Variants in ADCY2 observed in about 807,000 individuals in gnomAD.
The protein encoded by ADCY2 is adenylate cyclase 2, also known as adenylate cyclase type 2.
Under a neutral mutation model 125.2 loss-of-function variants are expected in ADCY2, and 31 were observed. The observed-to-expected ratio is 0.25, with a 90% confidence interval of 0.19 to 0.33. ADCY2 has a LOEUF of 0.33. ADCY2 is among the 10% of genes least tolerant of loss of function. The pLI, the probability that ADCY2 is intolerant of heterozygous loss-of-function variation, is 1.00. For synonymous variants in ADCY2, 512 were observed against 548.4 expected, an observed-to-expected ratio of 0.93 and a Z score of 0.93; for missense variants, 904 against 1,418.2, an observed-to-expected ratio of 0.64 and a Z score of 5.82.
At chr5:7,788,736 T>C (rs111364534) in intron 19 of ADCY2, among the ~76,000 whole-genome samples, 8 of 152,336 alleles carry the variant, frequency 5.3e-5, no homozygotes, top group African/African-American at 1.9e-4. Flanking sequence ...TGTACTGTCA[T>C]TGGTAGAATT....
At chr5:7,516,105 C>T (rs1744244457) in intron 2 of ADCY2, among the ~76,000 whole-genome samples, 1 of 148,762 alleles carries the variant, frequency 6.7e-6, no homozygotes, top group Admixed American at 6.7e-5. Context: ...AGCATTACTG[C>T]AGCAGCATTA....
At chr5:7,613,988 G>A (rs1366177853) in intron 3 of ADCY2, among the ~76,000 whole-genome samples, 1 of 152,190 alleles carries the variant, frequency 6.6e-6, no homozygotes, top group Non-Finnish European at 1.5e-5. Flanking sequence ...AACTCAAGGA[G>A]GTAACCCAGA....
chr5:7,629,559 C>G (rs1738248303), intron 4 of ADCY2, among the ~76,000 whole-genome samples: 1 of 152,042 alleles, frequency 6.6e-6, no homozygotes, highest in Admixed American at 6.5e-5. Context: ...GTGTTCTTGC[C>G]CTAAAAATGT....
intron 3 of ADCY2, among the ~76,000 whole-genome samples, chr5:7,571,780 C>T (rs67562215): frequency 0.26 from 39,212 of 152,022 alleles, 5,506 homozygotes; most frequent in East Asian, 0.43. Flanking sequence ...CTGATCCTCT[C>T]CCTCCTCCCA....
At chr5:7,417,207 A>G (rs1739986191) in intron 2 of ADCY2, among the ~76,000 whole-genome samples, 1 of 152,096 alleles carries the variant, frequency 6.6e-6, no homozygotes, top group South Asian at 2.1e-4. Flanking sequence ...AAAATCAATA[A>G]TAATTTTCGT....
intron 14 of ADCY2, among the ~76,000 whole-genome samples, chr5:7,736,395 CAT>C (rs1742254444): frequency 6.6e-6 from 1 of 152,110 alleles, no homozygotes; most frequent in South Asian, 2.1e-4. Flanking sequence ...TGTGTCACAA[CAT>C]ACTCTTAAGA....
chr5:7,557,324 C>T (rs971971853), intron 3 of ADCY2, among the ~76,000 whole-genome samples: 12 of 151,954 alleles, frequency 7.9e-5, no homozygotes, highest in Admixed American at 5.2e-4. Flanking sequence ...GGACTGGTAA[C>T]ATGTTAAAGT....
chr5:7,763,904 T>C (rs11134260), intron 16 of ADCY2, among the ~76,000 whole-genome samples: 22,231 of 152,158 alleles, frequency 0.15, 2,285 homozygotes, highest in East Asian at 0.61. Context: ...GAGGCTGCCC[T>C]GACCTGTCCC....
intron 11 of ADCY2, among the ~76,000 whole-genome samples, chr5:7,714,305 G>C (rs779356013): frequency 1.3e-5 from 2 of 152,166 alleles, no homozygotes; most frequent in Non-Finnish European, 2.9e-5. Flanking sequence ...TCTGTTATCT[G>C]TCTCTTCCTT....
intron 3 of ADCY2, among the ~76,000 whole-genome samples, chr5:7,602,390 A>T (rs1435032938): frequency 6.6e-6 from 1 of 152,100 alleles, no homozygotes; most frequent in Non-Finnish European, 1.5e-5. Flanking sequence ...CTCTTTCTTG[A>T]ATGTTCCACC....
chr5:7,696,287 A>T (rs1740889596), intron 6 of ADCY2, among the ~76,000 whole-genome samples: 1 of 152,180 alleles, frequency 6.6e-6, no homozygotes, highest in Non-Finnish European at 1.5e-5. Flanking sequence ...ACCCTGGAAG[A>T]GTTCCTGAAA....
chr5:7,551,879 T>C (rs1313578034), intron 3 of ADCY2, among the ~76,000 whole-genome samples: 2 of 152,218 alleles, frequency 1.3e-5, no homozygotes, highest in East Asian at 3.8e-4. Flanking sequence ...TGAAAGCCAC[T>C]CCATAACTAA....
chr5:7,572,880 A>G lies in ADCY2; in HGVS notation c.570+51981A>G, dbSNP rs544144182. 2.0e-5 allele frequency among the ~76,000 whole-genome samples: 3 copies of G among 152,266 alleles called. No individual in the cohort carries two copies. The East Asian group carries it at 5.8e-4, about 29-fold the overall frequency. ...GCCAGTTATTCCCCACAAAGTTTAT[A>G]TGTAGAAGTCCTAACCCCTAGTCCC... On this transcript the variant is annotated intron_variant, in intron 3 of 24. Coordinates refer to ENST00000338316, the MANE Select transcript of ADCY2 (RefSeq NM_020546.3).
intron 2 of ADCY2, among the ~76,000 whole-genome samples, chr5:7,519,130 A>T (rs954539291): frequency 2.6e-5 from 4 of 152,154 alleles, no homozygotes; most frequent in African/African-American, 9.7e-5. Flanking sequence ...TGTGTATGAC[A>T]ATTACATAAA....
intron 16 of ADCY2, among the ~76,000 whole-genome samples, chr5:7,761,270 C>G (rs375847813): frequency 6.7e-6 from 1 of 150,278 alleles, no homozygotes; most frequent in African/African-American, 2.4e-5. Context: ...CTGCCTCAGC[C>G]CCCTGAGTAG....
intron 22 of ADCY2, among the ~76,000 whole-genome samples, chr5:7,805,358 A>G (rs1039868253): frequency 2.0e-5 from 3 of 152,146 alleles, no homozygotes; most frequent in Non-Finnish European, 1.5e-5. Context: ...GTCAAAAAAC[A>G]AGTTGGCCAC....
At chr5:7,400,143 T>A (rs1739209703) in intron 1 of ADCY2, among the ~76,000 whole-genome samples, 1 of 152,214 alleles carries the variant, frequency 6.6e-6, no homozygotes. Flanking sequence ...CCAGCCAGAT[T>A]TGTTTTGGCT....
intron 2 of ADCY2, among the ~76,000 whole-genome samples, chr5:7,423,762 C>T (rs965592999): frequency 2.6e-5 from 4 of 152,218 alleles, no homozygotes; most frequent in African/African-American, 9.6e-5. Context: ...CTTCCCAGAT[C>T]TGATCTTGCT....
chr5:7,477,189 G>T (rs985911387), intron 2 of ADCY2, among the ~76,000 whole-genome samples: 1 of 62,886 alleles, frequency 1.6e-5, no homozygotes, highest in African/African-American at 7.1e-5. Flanking sequence ...TTTGCAGAAA[G>T]GACTTGATGT....
Sources: allele counts gnomAD v4.1 joint callset (sites outside exome capture counted in the v4.1 genomes callset), GRCh38; gene constraint gnomAD v4.1.1; transcripts MANE v1.5; gene names NCBI Gene and HGNC (gene_info 2026-07-23, HGNC 2026-07-21).